The following SFMBT2 variants were observed in gnomAD, a reference collection of about 807,000 sequenced individuals.
The protein encoded by SFMBT2 is scm-like with four MBT domains protein 2.
Under a neutral mutation model 110.1 loss-of-function variants are expected in SFMBT2, and 38 were observed. That is an observed-to-expected ratio of 0.35 (90% confidence interval 0.27 to 0.45). The LOEUF (loss-of-function observed/expected upper bound fraction) is 0.45. SFMBT2 is among the 20% of genes least tolerant of loss of function. The probability of loss-of-function intolerance (pLI) is 1.00; values close to 1 mark genes in which losing one functional copy is unlikely to be tolerated. For synonymous variants in SFMBT2, 425 were observed against 425.4 expected (o/e 1.00, Z 0.01); for missense variants, 1,011 against 1,094.9 (o/e 0.92, Z 1.08).
At position 7,204,239 on chromosome 10, in the gene SFMBT2, G is replaced by C. The variant is rs187691560; in HGVS notation, c.1444+1576C>G. ...TGTTTCACACACATAATGTCCTCTG[G>C]TGCTCTTAATAATGCTAACTAGAGG... On this transcript the variant is annotated intron_variant, in intron 12 of 20. Coordinates refer to ENST00000397167, the MANE Select transcript of SFMBT2 (RefSeq NM_001387889.1). 8 of 578,610 alleles carry C rather than the reference G, an allele frequency of 1.4e-5. No homozygotes were observed. In the East Asian group the frequency reaches 1.2e-3, roughly 84 times the overall value. The allele number at this position is 578,610 out of a possible 1,614,324, so 35.8% of individuals were successfully genotyped here.
intron 2 of SFMBT2, among the ~76,000 whole-genome samples, chr10:7,377,037 C>T (rs1160730035): frequency 3.3e-5 from 5 of 150,514 alleles, no homozygotes; most frequent in East Asian, 2.0e-4. Context: ...GGCATGGTGG[C>T]GGGCACCTGT....
chr10:7,209,742 G>A (rs2131622275), intron 11 of SFMBT2, among the ~76,000 whole-genome samples: 1 of 152,384 alleles, frequency 6.6e-6, no homozygotes, highest in African/African-American at 2.4e-5. Context: ...GGTGTCCACA[G>A]GGAAAGGAAC....
intron 4 of SFMBT2, among the ~76,000 whole-genome samples, chr10:7,288,894 G>C (rs1564423622): frequency 6.6e-6 from 1 of 150,916 alleles, no homozygotes; most frequent in Non-Finnish European, 1.5e-5. Flanking sequence ...AAATGAGCCA[G>C]GTGTGGTGGC....
intron 4 of SFMBT2, among the ~76,000 whole-genome samples, chr10:7,304,200 C>T (rs1842632099): frequency 6.6e-6 from 1 of 152,186 alleles, no homozygotes; most frequent in South Asian, 2.1e-4. Flanking sequence ...TGGGAGGTAA[C>T]TGAATCGTGG....
intron 4 of SFMBT2, among the ~76,000 whole-genome samples, chr10:7,299,192 A>G (rs36023439): frequency 0.072 from 10,983 of 152,238 alleles, 744 homozygotes; most frequent in African/African-American, 0.18. Flanking sequence ...ACTTCATGAC[A>G]AAAAAGCCAA....
At chr10:7,401,620 C>A (rs1459089422) in intron 1 of SFMBT2, among the ~76,000 whole-genome samples, 1 of 152,158 alleles carries the variant, frequency 6.6e-6, no homozygotes, top group Non-Finnish European at 1.5e-5. Context: ...ATGAACTCTG[C>A]CCTCTGGTTC....
chr10:7,197,728 C>A, intron 14 of SFMBT2, 41 bp from the exon 15 acceptor site: 4 of 1,604,696 alleles, frequency 2.5e-6, no homozygotes, highest in Admixed American at 1.7e-5. Flanking sequence ...AGGACCACAG[C>A]CCCAGACCCT....
At chr10:7,350,199 T>G (rs1217316346) in intron 4 of SFMBT2, among the ~76,000 whole-genome samples, 1 of 152,040 alleles carries the variant, frequency 6.6e-6, no homozygotes, top group African/African-American at 2.4e-5. Context: ...AGATTTTTTT[T>G]TTTTCCATGG....
chr10:7,181,023 G>A (rs1026037943), intron 16 of SFMBT2, among the ~76,000 whole-genome samples: 3 of 152,070 alleles, frequency 2.0e-5, no homozygotes, highest in Admixed American at 6.5e-5. Context: ...GGCAGATCAC[G>A]AGGTCAAGAG....
intron 15 of SFMBT2, among the ~76,000 whole-genome samples, chr10:7,192,403 A>C (rs1838628103): frequency 3.9e-5 from 6 of 152,172 alleles, no homozygotes; most frequent in Admixed American, 3.9e-4. Flanking sequence ...CGAAGAATGA[A>C]AGCTCTTCTC....
rs1410991854 is a variant in SFMBT2 at position 7,170,811 on chromosome 10, G to A, written c.2544+117C>T. 1.9e-5 allele frequency: 24 copies of A among 1,250,096 alleles called. No individual in the cohort carries two copies. The highest frequency in any genetic ancestry group is 1.5e-4 in the East Asian group (6 of 39,970). The allele number at this position is 1,250,096 out of a possible 1,614,324, so 77.4% of individuals were successfully genotyped here. A position where few individuals can be genotyped will look rare whatever the true frequency, so the allele number is the denominator to read the frequency against. ...GGGAGAAGGGTCTCGCACACCTGCC[G>A]AGCAGCGCCGAAGAACCCCCTCGCA... On this transcript the variant is annotated intron_variant, in intron 20 of 20. Transcript: ENST00000397167. This position sits in a 1 kb window ranked among gnomAD's most constrained non-coding sequence, Gnocchi z 4.6.
At position 7,379,881 on chromosome 10, in the gene SFMBT2, G is replaced by A. The variant is rs541225781; in HGVS notation, c.100+1918C>T. 3.3e-5 allele frequency among the ~76,000 whole-genome samples: 5 copies of A among 152,148 alleles called. 1 individual carries two copies. The East Asian group carries it at 7.7e-4, about 23-fold the overall frequency. ...ATACAGCCACCCTTAACGAAATGTC[G>A]GTACAAATCATTTTCCCGACACCAG... is the stretch of plus-strand genomic sequence containing the variant. On this transcript the variant is annotated intron_variant, in intron 2 of 20. Transcript: ENST00000397167.
chr10:7,210,431 G>A (rs1839305000), intron 11 of SFMBT2, among the ~76,000 whole-genome samples: 1 of 152,196 alleles, frequency 6.6e-6, no homozygotes, highest in Non-Finnish European at 1.5e-5. Context: ...GGGACCCAGG[G>A]CGAGGGAGGC....
chr10:7,357,247 G>A (rs1320621433), intron 4 of SFMBT2, among the ~76,000 whole-genome samples: 1 of 152,156 alleles, frequency 6.6e-6, no homozygotes, highest in African/African-American at 2.4e-5. Context: ...GCATCAACTT[G>A]GCTGGGCCAC....
At chr10:7,375,298 T>C (rs1460801048) in intron 2 of SFMBT2, among the ~76,000 whole-genome samples, 8 of 152,232 alleles carry the variant, frequency 5.3e-5, no homozygotes, top group Non-Finnish European at 8.8e-5. Context: ...CATACATCTT[T>C]GTTTAAGGAA....
chr10:7,296,380 A>G (rs945296739), intron 4 of SFMBT2, among the ~76,000 whole-genome samples: 1 of 152,246 alleles, frequency 6.6e-6, no homozygotes, highest in South Asian at 2.1e-4. Context: ...CTGAATTGAC[A>G]TATCACACAG....
chr10:7,249,559 A>T (rs1354978633), intron 7 of SFMBT2: 1 of 985,262 alleles, frequency 1.0e-6, no homozygotes, highest in Non-Finnish European at 1.2e-6. Flanking sequence ...TTGGGTGTGA[A>T]GTACAAAAAT....
At chr10:7,395,351 G>T (rs543082200) in intron 1 of SFMBT2, among the ~76,000 whole-genome samples, 1 of 152,344 alleles carries the variant, frequency 6.6e-6, no homozygotes, top group East Asian at 1.9e-4. Context: ...CTCCATGGCC[G>T]TCTGGCTTCC....
Position 7,227,918 on chromosome 10 carries a change from G to A in SFMBT2, c.1140C>T (p.Phe380=), listed in dbSNP as rs764898014. ...TPPKGYSGQD[F]DWADYHKQHG... ...GCTGCTTGTGATAATCTGCCCAGTC[G>A]AAGTCCTGGCCAGAGTAACCTGGGA... Residue 380 remains phenylalanine, a synonymous_variant, in exon 10 of 21, where the codon TTC becomes TTT. Transcript: ENST00000397167. 3 of 1,602,326 alleles carry A rather than the reference G, an allele frequency of 1.9e-6. No individual in the cohort carries two copies. Among genetic ancestry groups the A allele is most frequent in the South Asian group, 1.1e-5 (1 of 88,402 alleles).
Sources: allele counts gnomAD v4.1 joint callset (sites outside exome capture counted in the v4.1 genomes callset), GRCh38; gene constraint gnomAD v4.1.1; non-coding constraint Gnocchi (gnomAD v3.1); transcripts MANE v1.5; gene names NCBI Gene and HGNC (gene_info 2026-07-23, HGNC 2026-07-21).